The following CTNNA1 variants were observed in gnomAD, a reference collection of about 807,000 sequenced individuals.
CTNNA1 encodes catenin alpha 1, also known as catenin alpha-1.
Under a neutral mutation model 98.4 loss-of-function variants are expected in CTNNA1, and 37 were observed. The observed-to-expected ratio is 0.38, with a 90% confidence interval of 0.29 to 0.49. The LOEUF (loss-of-function observed/expected upper bound fraction) is 0.49. CTNNA1 is among the 20% of genes least tolerant of loss of function. The pLI, the probability that CTNNA1 is intolerant of heterozygous loss-of-function variation, is 0.95. For synonymous variants in CTNNA1, 404 were observed against 413.2 expected (o/e 0.98, Z 0.27); for missense variants, 761 against 1,147.2 (o/e 0.66, Z 4.86).
chr5:138,919,647 G>A (rs944163634), intron 11 of CTNNA1, among the ~76,000 whole-genome samples: 1 of 152,186 alleles, frequency 6.6e-6, no homozygotes, highest in Non-Finnish European at 1.5e-5. Flanking sequence ...TTGATGGAAA[G>A]GAGTTTAGAC....
At chr5:138,905,979 T>A (rs560120916) in intron 10 of CTNNA1, among the ~76,000 whole-genome samples, 1 of 152,326 alleles carries the variant, frequency 6.6e-6, no homozygotes, top group South Asian at 2.1e-4. Flanking sequence ...TGCTATGTTA[T>A]GTCTGCAACC....
At chr5:138,836,466 G>A (rs1761782484) in intron 7 of CTNNA1, among the ~76,000 whole-genome samples, 1 of 152,194 alleles carries the variant, frequency 6.6e-6, no homozygotes, top group South Asian at 2.1e-4. Context: ...TCTTACCCCA[G>A]TTATATTTGT....
intron 10 of CTNNA1, among the ~76,000 whole-genome samples, chr5:138,908,046 C>T (rs1046916817): frequency 9.9e-5 from 15 of 151,822 alleles, no homozygotes; most frequent in Admixed American, 7.2e-4. Flanking sequence ...GGTGCAATCT[C>T]GGCTCACTGC....
At chr5:138,834,827 G>A (rs1379797954) in intron 7 of CTNNA1, among the ~76,000 whole-genome samples, 1 of 152,190 alleles carries the variant, frequency 6.6e-6, no homozygotes, top group African/African-American at 2.4e-5. Context: ...CTTTTTGAGA[G>A]CAGTAAAGCT....
chr5:138,762,417 A>G (rs1752465997), intron 1 of CTNNA1, among the ~76,000 whole-genome samples: 1 of 152,212 alleles, frequency 6.6e-6, no homozygotes, highest in African/African-American at 2.4e-5. Context: ...GCAAAGAACC[A>G]CACTTCAAAA....
At chr5:138,784,359 G>A (rs896432116) in intron 3 of CTNNA1, among the ~76,000 whole-genome samples, 2 of 152,146 alleles carry the variant, frequency 1.3e-5, no homozygotes, top group Admixed American at 6.5e-5. Context: ...TAGATCTTTC[G>A]TGCCTGATGG....
chr5:138,895,734 TA>T (rs1277811163), intron 9 of CTNNA1, among the ~76,000 whole-genome samples: 15 of 152,310 alleles, frequency 9.8e-5, no homozygotes, highest in African/African-American at 3.6e-4. Flanking sequence ...ATAATGTATA[TA>T]TTTTTTACAA....
At position 138,934,165 on chromosome 5, in the gene CTNNA1, C is replaced by CTAAA. The variant is rs2150361193; in HGVS notation, c.*79_*82dup. On this transcript the variant is annotated 3_prime_UTR_variant, in exon 18 of 18. Coordinates refer to ENST00000302763, the MANE Select transcript of CTNNA1 (RefSeq NM_001903.5). The stretch of plus-strand genomic sequence containing the variant: ...ACTGTTCGTCACTCAAATGAATTTG[C>CTAAA]TAAATACAACACTGATACTAGATTC... 4.6e-6 allele frequency: 5 copies of CTAAA among 1,092,242 alleles called. No individual in the cohort carries two copies. The highest frequency in any genetic ancestry group is 2.4e-5 in the East Asian group (1 of 41,684). The allele number at this position is 1,092,242 out of a possible 1,614,324, so 67.7% of individuals were successfully genotyped here.
At chr5:138,829,318 G>A (rs1045045104) in intron 7 of CTNNA1, among the ~76,000 whole-genome samples, 3 of 152,182 alleles carry the variant, frequency 2.0e-5, no homozygotes, top group African/African-American at 7.2e-5. Flanking sequence ...CAATGTTGCA[G>A]TCTTAAACAG....
At chr5:138,830,743 C>T (rs1397764516) in intron 7 of CTNNA1, among the ~76,000 whole-genome samples, 2 of 152,122 alleles carry the variant, frequency 1.3e-5, no homozygotes, top group Non-Finnish European at 2.9e-5. Context: ...GTGTGTTGGG[C>T]ACAATGTAAG....
At chr5:138,897,291 C>T (rs916894124) in intron 9 of CTNNA1, among the ~76,000 whole-genome samples, 1 of 68,036 alleles carries the variant, frequency 1.5e-5, no homozygotes, top group Non-Finnish European at 3.2e-5. Flanking sequence ...TACCTCACAC[C>T]GCACCCCCCC....
chr5:138,786,399 G>A (rs1366896155), intron 3 of CTNNA1, among the ~76,000 whole-genome samples: 1 of 152,076 alleles, frequency 6.6e-6, no homozygotes, highest in East Asian at 1.9e-4. Context: ...ACTGAGACTT[G>A]TTGGCTATGT....
intron 1 of CTNNA1, among the ~76,000 whole-genome samples, chr5:138,759,407 C>T (rs1007880338): frequency 1.3e-5 from 2 of 152,204 alleles, no homozygotes; most frequent in Non-Finnish European, 2.9e-5. Flanking sequence ...TTTTCCTTAT[C>T]TCCCCCGCAC....
chr5:138,909,239 G>A (rs1479608113), intron 10 of CTNNA1, among the ~76,000 whole-genome samples: 1 of 151,932 alleles, frequency 6.6e-6, no homozygotes, highest in Non-Finnish European at 1.5e-5. Flanking sequence ...ATACAAATCT[G>A]GCACTTAAAT....
chr5:138,803,943 T>A (rs1384936978), intron 3 of CTNNA1, among the ~76,000 whole-genome samples: 1 of 152,190 alleles, frequency 6.6e-6, no homozygotes, highest in Non-Finnish European at 1.5e-5. Context: ...TCAGTAAGCA[T>A]GTTTTGAAAG....
chr5:138,759,758 T>C (rs1191973319), intron 1 of CTNNA1, among the ~76,000 whole-genome samples: 2 of 152,160 alleles, frequency 1.3e-5, no homozygotes, highest in African/African-American at 4.8e-5. Context: ...GGCTGGGGGC[T>C]AGGGAATGGG....
chr5:138,849,439 A>C (rs1763000829), intron 7 of CTNNA1, among the ~76,000 whole-genome samples: 1 of 152,220 alleles, frequency 6.6e-6, no homozygotes, highest in Non-Finnish European at 1.5e-5. Context: ...AAAAACAAAA[A>C]CAAAAACAAA....
At chr5:138,811,477 T>C (rs188565749) in intron 4 of CTNNA1, among the ~76,000 whole-genome samples, 87 of 4,682 alleles carry the variant, frequency 0.019, no homozygotes, top group African/African-American at 0.048. Context: ...AGACGATGGG[T>C]GGCCAGGGCA....
At chr5:138,819,836 A>G (rs1759836514) in intron 5 of CTNNA1, among the ~76,000 whole-genome samples, 1 of 30,456 alleles carries the variant, frequency 3.3e-5, no homozygotes, top group Non-Finnish European at 6.1e-5. Context: ...GCATGGTAGG[A>G]GGTGATTGGA....
Sources: gnomAD v4.1 joint callset for allele counts (sites outside exome capture counted in the v4.1 genomes callset) on GRCh38, gnomAD v4.1.1 for gene constraint, MANE v1.5 for transcripts, NCBI Gene and HGNC (gene_info 2026-07-23, HGNC 2026-07-21) for gene names.